The following C11orf65 variants were observed in gnomAD, a reference collection of about 807,000 sequenced individuals.
The protein encoded by C11orf65 is chromosome 11 open reading frame 65, also known as protein MFI.
A neutral mutation model predicts 35.3 loss-of-function variants in C11orf65; 38 were observed. The ratio of observed to expected loss-of-function variants is 1.08; its 90% confidence interval spans 0.83 to 1.41. C11orf65 has a LOEUF of 1.41. Ranked by LOEUF, C11orf65 falls within the 40% of genes most tolerant of loss-of-function variation. The probability of loss-of-function intolerance (pLI) is 0.00; values close to 1 mark genes in which losing one functional copy is unlikely to be tolerated. For missense variants in C11orf65, 370 were observed against 367.1 expected (o/e 1.01, Z -0.06); for synonymous variants, 105 against 114.4 (o/e 0.92, Z 0.53).
intron 7 of C11orf65, among the ~76,000 whole-genome samples, chr11:108,386,342 C>T (rs1413612572): frequency 6.6e-6 from 1 of 152,224 alleles, no homozygotes; most frequent in African/African-American, 2.4e-5. Context: ...AGAAAACTCT[C>T]CTGGAGACAA....
At chr11:108,417,441 G>A (rs761678156) in intron 3 of C11orf65, among the ~76,000 whole-genome samples, 1 of 152,066 alleles carries the variant, frequency 6.6e-6, no homozygotes, top group East Asian at 1.9e-4. Context: ...CTACTGGGGA[G>A]GCTGGAGCAC....
At chr11:108,403,909 C>T (rs2138613548) in intron 6 of C11orf65, among the ~76,000 whole-genome samples, 1 of 152,212 alleles carries the variant, frequency 6.6e-6, no homozygotes, top group South Asian at 2.1e-4. Context: ...CTGACTGATT[C>T]CAAGGAATGA....
At chr11:108,324,321 C>T (rs2085448760) in intron 6 of C11orf65, among the ~76,000 whole-genome samples, 1 of 152,072 alleles carries the variant, frequency 6.6e-6, no homozygotes, top group African/African-American at 2.4e-5. Flanking sequence ...CAATTTTCTG[C>T]AGATACAGAG....
intron 6 of C11orf65, among the ~76,000 whole-genome samples, chr11:108,399,479 C>T (rs2092394628): frequency 6.6e-6 from 1 of 152,100 alleles, no homozygotes; most frequent in African/African-American, 2.4e-5. Flanking sequence ...CTAGGCCAAC[C>T]GAGGAATTGA....
At chr11:108,393,011 T>G (rs1465090726) in intron 7 of C11orf65, among the ~76,000 whole-genome samples, 197 bp downstream of exon 7, 2 of 152,230 alleles carry the variant, frequency 1.3e-5, no homozygotes, top group Non-Finnish European at 2.9e-5. Context: ...TCTAATTTTC[T>G]GTTTACTATT....
intron 2 of C11orf65, among the ~76,000 whole-genome samples, chr11:108,441,256 G>A (rs1480604365): frequency 2.6e-5 from 4 of 152,212 alleles, no homozygotes; most frequent in South Asian, 2.1e-4. Context: ...ACTGCAAGGC[G>A]GCAGCGAGGC....
At chr11:108,403,409 GTTTTTTTTTTGTTTTT>G (rs2092476278) in intron 6 of C11orf65, among the ~76,000 whole-genome samples, 1 of 67,310 alleles carries the variant, frequency 1.5e-5, no homozygotes, top group Non-Finnish European at 2.8e-5. Context: ...TGTTTGAGAG[GTTTTTTTTTTGTTTTT>G]TTTTTTTTTA....
At chr11:108,441,468 G>C (rs998435375) in intron 2 of C11orf65, among the ~76,000 whole-genome samples, 10 of 152,182 alleles carry the variant, frequency 6.6e-5, no homozygotes, top group Non-Finnish European at 1.3e-4. Context: ...GCTTTGAAAA[G>C]AGTAGTTGTT....
chr11:108,361,085 C>A (rs1410153466), intron 2 of C11orf65, among the ~76,000 whole-genome samples: 10 of 130,586 alleles, frequency 7.7e-5, no homozygotes, highest in African/African-American at 2.7e-4. Flanking sequence ...AGCTGATAAG[C>A]AACTTCAGCA....
At chr11:108,332,096 ATTTC>A (rs1340300913) in intron 3 of C11orf65, 72 of 1,589,768 alleles carry the variant, frequency 4.5e-5, no homozygotes, top group Non-Finnish European at 6.0e-5. Flanking sequence ...TTCCTAGAAT[ATTTC>A]TTTTTAAAAT....
At chr11:108,322,280 G>A (rs1007713780) in intron 6 of C11orf65, among the ~76,000 whole-genome samples, 3 of 151,902 alleles carry the variant, frequency 2.0e-5, no homozygotes, top group Non-Finnish European at 2.9e-5. Flanking sequence ...TCAGCCTCCC[G>A]AGTAGCTGGG....
intron 2 of C11orf65, among the ~76,000 whole-genome samples, chr11:108,446,020 T>C (rs541243364): frequency 1.8e-4 from 27 of 151,916 alleles, no homozygotes; most frequent in Admixed American, 3.3e-4. Flanking sequence ...AGAAAGGGTA[T>C]CAGTGATGGA....
intron 1 of C11orf65, among the ~76,000 whole-genome samples, chr11:108,462,982 C>T (rs1478814159): frequency 6.6e-6 from 1 of 152,108 alleles, no homozygotes; most frequent in Admixed American, 6.6e-5. Flanking sequence ...CAACAAAAAG[C>T]TGGGCAGGTT....
intron 2 of C11orf65, chr11:108,367,832 G>GT (rs1195374830): frequency 4.8e-6 from 1 of 208,480 alleles, no homozygotes; most frequent in Non-Finnish European, 9.8e-6. Context: ...TTACCTTGGT[G>GT]TATCTTTTTC....
rs762702500 is a variant in C11orf65, at chr11:108,310,157, T to C, written c.641-1086A>G. ...AATGACATTATATCTCATTTTTCTTTAGACCTTCTTCAGGAACAATTTTTA... is the reference window on the plus strand; with the variant it reads ...AATGACATTATATCTCATTTTTCTTCAGACCTTCTTCAGGAACAATTTTTA... On this transcript the variant is annotated intron_variant, in intron 6 of 6. Coordinates refer to the C11orf65 transcript ENST00000525729. 1 of 1,612,782 alleles carries C rather than the reference T, an allele frequency of 6.2e-7. No homozygotes were observed. Among genetic ancestry groups the C allele is most frequent in the East Asian group, 2.2e-5 (1 of 44,734 alleles).
In C11orf65 at chr11:108,332,869, C is replaced by G. The variant is rs1591179036; in HGVS notation, c.300-1302G>C. The G allele has an allele frequency of 6.2e-7, 1 of 1,613,016 alleles. No homozygotes were observed. On this transcript the variant is annotated intron_variant, in intron 3 of 3. Coordinates refer to the C11orf65 transcript ENST00000524755. ...GTGATGCTTATATTATATTAGCAAA[C>G]TTAGATGCCACTCAGTGGAAGACTC...
At chr11:108,372,699 A>G (rs1264890384) in intron 2 of C11orf65, among the ~76,000 whole-genome samples, 1 of 152,238 alleles carries the variant, frequency 6.6e-6, no homozygotes, top group Non-Finnish European at 1.5e-5. Flanking sequence ...AGTCAGTGCC[A>G]TCTATGAAAT....
chr11:108,376,806 C>T (rs1405405642), intron 2 of C11orf65, among the ~76,000 whole-genome samples: 11 of 151,364 alleles, frequency 7.3e-5, no homozygotes, highest in South Asian at 2.1e-4. Flanking sequence ...ATATCACCAC[C>T]GATCCCACAG....
rs772705678 is a variant in C11orf65 at position 108,321,511 on chromosome 11, G to T, written c.641-12440C>A. 35 of 1,570,150 alleles carry T rather than the reference G, an allele frequency of 2.2e-5. No homozygotes were observed. In the Middle Eastern group the frequency reaches 1.7e-3, roughly 77 times the overall value. On this transcript the variant is annotated intron_variant, in intron 6 of 6. Coordinates refer to the C11orf65 transcript ENST00000525729. ...AAAATAAAAACTATAGGCCGGGCACGGTGGCTCATGCCTGTAATCCTAGCA... is the reference window on the plus strand; with the variant it reads ...AAAATAAAAACTATAGGCCGGGCACTGTGGCTCATGCCTGTAATCCTAGCA...
Sources: allele counts gnomAD v4.1 joint callset (sites outside exome capture counted in the v4.1 genomes callset), GRCh38; gene constraint gnomAD v4.1.1; transcripts MANE v1.5; gene names NCBI Gene and HGNC (gene_info 2026-07-23, HGNC 2026-07-21).